Variants in SOX6 observed in about 807,000 individuals in gnomAD.
SOX6 encodes the protein SRY-box transcription factor 6, also known as transcription factor SOX-6.
In SOX6, 11 loss-of-function variants were observed where a neutral mutation model predicts 97.8. That is an observed-to-expected ratio of 0.11 (90% CI 0.07 to 0.19). The LOEUF is 0.19. Among genes scored for constraint, SOX6 ranks in the 10% least tolerant of loss-of-function variants. The pLI is 1.00. For missense variants in SOX6, 810 were observed against 1,039.5 expected (o/e 0.78, Z 3.04); for synonymous variants, 360 against 371.4 (o/e 0.97, Z 0.35).
At position 16,604,217 on chromosome 11, in the gene SOX6, C is replaced by T. The variant is rs1164445362; in HGVS notation, n.609+7864G>A. ...GCCAGCCGTGCGCGGGCGGGCCGAC[C>T]AAGGTTGGGGGACAGGCAGGGCAGG... On this transcript the variant is annotated intron_variant and non_coding_transcript_variant, in intron 4 of 5. Coordinates refer to the SOX6 transcript ENST00000524520. Among the ~76,000 whole-genome samples the T allele has an allele frequency of 2.0e-5, 3 of 152,340 alleles. No homozygotes were observed. In the East Asian group the frequency reaches 5.8e-4, roughly 29 times the overall value.
At chr11:16,184,341 C>A (rs1209586458) in intron 5 of SOX6, among the ~76,000 whole-genome samples, 2 of 151,978 alleles carry the variant, frequency 1.3e-5, no homozygotes, top group Non-Finnish European at 2.9e-5. Context: ...CAGGAAAAAT[C>A]TTCGTATTAT....
chr11:16,210,057 T>G (rs1852178275), intron 4 of SOX6, among the ~76,000 whole-genome samples: 1 of 152,186 alleles, frequency 6.6e-6, no homozygotes, highest in Non-Finnish European at 1.5e-5. Context: ...TAAAATGGTA[T>G]AGCTGCTTTG....
chr11:16,676,820 C>A (rs144242127), intron 3 of SOX6, among the ~76,000 whole-genome samples: 1 of 152,186 alleles, frequency 6.6e-6, no homozygotes, highest in Non-Finnish European at 1.5e-5. Context: ...CTTCCTTAGT[C>A]CTCAATTCCT....
At chr11:15,988,881 C>T (rs1234172342) in intron 14 of SOX6, 116 bp downstream of exon 14, 1 of 1,064,418 alleles carries the variant, frequency 9.4e-7, no homozygotes, top group African/African-American at 1.6e-5. Flanking sequence ...CTTCGTCTAA[C>T]TTGCGCCCGC....
At chr11:16,116,125 C>T (rs1264275138) in intron 6 of SOX6, among the ~76,000 whole-genome samples, 1 of 152,128 alleles carries the variant, frequency 6.6e-6, no homozygotes, top group Non-Finnish European at 1.5e-5. Flanking sequence ...GCTAGTTAGA[C>T]TCTAGCCTGA....
chr11:16,096,174 C>T, intron 8 of SOX6, 56 bp from the exon 9 acceptor site: 3 of 1,580,148 alleles, frequency 1.9e-6, no homozygotes, highest in Non-Finnish European at 2.6e-6. Context: ...TGTCAGAACT[C>T]ATGAAACAGA....
chr11:16,109,470 G>C (rs1199763720), intron 7 of SOX6, among the ~76,000 whole-genome samples: 1 of 152,028 alleles, frequency 6.6e-6, no homozygotes, highest in Non-Finnish European at 1.5e-5. Flanking sequence ...CCAACGTGCT[G>C]GGATTACAGG....
At chr11:16,163,415 T>A (rs1850805054) in intron 6 of SOX6, among the ~76,000 whole-genome samples, 1 of 152,208 alleles carries the variant, frequency 6.6e-6, no homozygotes, top group South Asian at 2.1e-4. Flanking sequence ...ATAACAAAAT[T>A]ATATTTATAG....
chr11:16,147,905 C>T (rs978721395), intron 6 of SOX6, among the ~76,000 whole-genome samples: 2 of 152,150 alleles, frequency 1.3e-5, no homozygotes, highest in African/African-American at 4.8e-5. Flanking sequence ...TACAGCCTGG[C>T]ATGAAGATGT....
At chr11:16,515,096 G>C (rs1180228058) in intron 4 of SOX6, among the ~76,000 whole-genome samples, 31 of 147,586 alleles carry the variant, frequency 2.1e-4, no homozygotes, top group African/African-American at 7.2e-4. Context: ...GGTATTTCTA[G>C]TTCTAGATCC....
At chr11:16,330,817 T>C (rs1856268427) in intron 2 of SOX6, among the ~76,000 whole-genome samples, 1 of 152,096 alleles carries the variant, frequency 6.6e-6, no homozygotes, top group Admixed American at 6.6e-5. Context: ...AGTCAGGAGA[T>C]ATAAAGTGAC....
At chr11:16,087,354 T>C (rs1224504183) in intron 9 of SOX6, among the ~76,000 whole-genome samples, 1 of 152,148 alleles carries the variant, frequency 6.6e-6, no homozygotes, top group Non-Finnish European at 1.5e-5. Flanking sequence ...ACACATCAAT[T>C]ATAGCTAAGA....
intron 2 of SOX6, among the ~76,000 whole-genome samples, chr11:16,733,106 G>T (rs749854692): frequency 6.6e-6 from 1 of 152,224 alleles, no homozygotes; most frequent in Admixed American, 6.5e-5. Flanking sequence ...TGGAGAAATA[G>T]GAACGCTTTT....
chr11:16,362,238 A>G (rs1192015101), intron 1 of SOX6, among the ~76,000 whole-genome samples: 2 of 152,188 alleles, frequency 1.3e-5, no homozygotes, highest in East Asian at 1.9e-4. Context: ...CATTGGAATG[A>G]CGGGTTTCAT....
rs556672715 is a variant in SOX6 at position 16,321,618 on chromosome 11, C to T, written c.238-2965G>A. Among the ~76,000 whole-genome samples, 5 of 152,122 alleles carry T rather than the reference C, an allele frequency of 3.3e-5. No homozygotes were observed. In the East Asian group the frequency reaches 9.7e-4, roughly 29 times the overall value. ...GCACCACAGACAATAACCATGGGTTCCTTATTGCAGTGATGACCCACACTG... is the reference window on the plus strand; with the variant it reads ...GCACCACAGACAATAACCATGGGTTTCTTATTGCAGTGATGACCCACACTG... On this transcript the variant is annotated intron_variant, in intron 2 of 15. Coordinates refer to ENST00000683767, the MANE Select transcript of SOX6 (RefSeq NM_001367873.1).
chr11:16,068,314 A>G (rs1848141849), intron 9 of SOX6, among the ~76,000 whole-genome samples: 1 of 152,208 alleles, frequency 6.6e-6, no homozygotes, highest in Non-Finnish European at 1.5e-5. Flanking sequence ...GGAAATGGTG[A>G]CAGGCGTAAT....
intron 3 of SOX6, among the ~76,000 whole-genome samples, chr11:16,706,474 ATATATATAT>A (rs1848136647): frequency 4.4e-4 from 6 of 13,778 alleles, no homozygotes; most frequent in African/African-American, 1.9e-3. Flanking sequence ...AAAAAAAAAT[ATATATATAT>A]ATATATATAT....
chr11:16,552,037 ATAC>A (rs1847693670), intron 4 of SOX6, among the ~76,000 whole-genome samples: 3 of 152,206 alleles, frequency 2.0e-5, no homozygotes, highest in African/African-American at 7.2e-5. Flanking sequence ...CATCTATAAG[ATAC>A]ATCTTCTATT....
intron 4 of SOX6, among the ~76,000 whole-genome samples, chr11:16,497,823 G>C (rs1159660958): frequency 6.6e-6 from 1 of 152,210 alleles, no homozygotes; most frequent in African/African-American, 2.4e-5. Flanking sequence ...TATGTGAAAA[G>C]ACCAAATCTA....
Sources: gnomAD v4.1 joint callset for allele counts (sites outside exome capture counted in the v4.1 genomes callset) on GRCh38, gnomAD v4.1.1 for gene constraint, MANE v1.5 for transcripts, NCBI Gene and HGNC (gene_info 2026-07-23, HGNC 2026-07-21) for gene names.